The following GPHN variants were observed in gnomAD, a reference collection of about 807,000 sequenced individuals.
The protein encoded by GPHN is gephyrin.
Under a neutral mutation model 95.5 loss-of-function variants are expected in GPHN, and 17 were observed. The ratio of observed to expected loss-of-function variants is 0.18; its 90% CI spans 0.12 to 0.27. GPHN has a LOEUF of 0.27. Ranked by LOEUF, GPHN falls within the 10% of genes least tolerant of loss-of-function variation. GPHN has a pLI of 1.00. For missense variants in GPHN, 660 were observed against 978.1 expected, an observed-to-expected ratio of 0.67 and a Z score of 4.34; for synonymous variants, 320 against 322.5, an observed-to-expected ratio of 0.99 and a Z score of 0.08.
chr14:67,502,499 C>A, the GPHN span, among the ~76,000 whole-genome samples: 30 of 139,562 alleles, frequency 2.1e-4, no homozygotes, highest in Non-Finnish European at 3.8e-4. Flanking sequence ...GTTGTCCAGG[C>A]TAGAGTGCAA....
chr14:67,304,526 A>G, the GPHN span, among the ~76,000 whole-genome samples: 3 of 152,224 alleles, frequency 2.0e-5, no homozygotes, highest in South Asian at 6.2e-4. Flanking sequence ...ATGCTGAGCG[A>G]AGGAAGCCAG....
At chr14:67,307,263 T>A in the GPHN span, among the ~76,000 whole-genome samples, 1 of 152,094 alleles carries the variant, frequency 6.6e-6, no homozygotes, top group Non-Finnish European at 1.5e-5. Flanking sequence ...AAGGAAGGAT[T>A]GGATTTCCCA....
At chr14:67,035,068 G>A (rs1205945799) in intron 10 of GPHN, among the ~76,000 whole-genome samples, 3 of 152,056 alleles carry the variant, frequency 2.0e-5, no homozygotes, top group Non-Finnish European at 2.9e-5. Context: ...TGAGATCTTA[G>A]TGGACTGAAA....
At chr14:67,040,884 G>A (rs111718002) in intron 10 of GPHN, among the ~76,000 whole-genome samples, 1 of 151,994 alleles carries the variant, frequency 6.6e-6, no homozygotes, top group African/African-American at 2.4e-5. Flanking sequence ...TGGCTAAAAG[G>A]GTGTCTGCGA....
At chr14:66,586,435 G>A (rs1454495777) in intron 1 of GPHN, among the ~76,000 whole-genome samples, 17 of 152,160 alleles carry the variant, frequency 1.1e-4, no homozygotes, top group Admixed American at 9.8e-4. Flanking sequence ...TCATTATGAT[G>A]TTAGCTGGTT....
chr14:66,518,300 C>G (rs2058335266), intron 1 of GPHN, among the ~76,000 whole-genome samples: 1 of 151,984 alleles, frequency 6.6e-6, no homozygotes, highest in African/African-American at 2.4e-5. Context: ...TTCTCTTACC[C>G]CAGTTAGGAT....
chr14:66,732,343 G>A (rs957721281), intron 2 of GPHN, among the ~76,000 whole-genome samples: 8 of 152,234 alleles, frequency 5.3e-5, no homozygotes, highest in Admixed American at 2.0e-4. Flanking sequence ...TTGCATCAGC[G>A]TACCCTGGAT....
At chr14:67,225,962 T>TGCGCGCGCGC in the GPHN span, among the ~76,000 whole-genome samples, 10 of 113,490 alleles carry the variant, frequency 8.8e-5, no homozygotes, top group African/African-American at 5.1e-4. Flanking sequence ...TGTGTGTGTG[T>TGCGCGCGCGC]GCGCGCGCGC....
intron 3 of GPHN, among the ~76,000 whole-genome samples, chr14:66,805,338 A>G (rs1308435015): frequency 6.6e-6 from 1 of 152,150 alleles, no homozygotes; most frequent in African/African-American, 2.4e-5. Flanking sequence ...ATTCAAGATG[A>G]AATTTGGGTG....
chr14:67,729,793 C>A, the GPHN span: 1 of 498,042 alleles, frequency 2.0e-6, no homozygotes, highest in East Asian at 5.6e-5. Flanking sequence ...GAACTCTGTC[C>A]CTCAATGCTG....
At chr14:66,672,662 C>T (rs1400599994) in intron 1 of GPHN, among the ~76,000 whole-genome samples, 1 of 152,144 alleles carries the variant, frequency 6.6e-6, no homozygotes, top group Non-Finnish European at 1.5e-5. Context: ...TATATTGCCC[C>T]TCTTTATTCC....
intron 2 of GPHN, among the ~76,000 whole-genome samples, chr14:66,692,803 A>G (rs1228786034): frequency 2.0e-5 from 3 of 152,182 alleles, no homozygotes; most frequent in Non-Finnish European, 2.9e-5. Context: ...ATTTGGAATT[A>G]AAATATTACC....
the GPHN span, among the ~76,000 whole-genome samples, chr14:67,319,057 CAA>C: frequency 7.0e-5 from 8 of 114,050 alleles, no homozygotes; most frequent in Non-Finnish European, 1.0e-4. Flanking sequence ...GACTCCGTCT[CAA>C]AAAAAAAAAA....
At chr14:67,438,653 G>T in the GPHN span, among the ~76,000 whole-genome samples, 2 of 152,102 alleles carry the variant, frequency 1.3e-5, no homozygotes, top group African/African-American at 4.8e-5. Flanking sequence ...TTGAAGTCAG[G>T]AGTTCGAGAC....
chr14:67,327,557 G>A, the GPHN span, among the ~76,000 whole-genome samples: 1 of 151,834 alleles, frequency 6.6e-6, no homozygotes, highest in Non-Finnish European at 1.5e-5. Context: ...TGTTACGTAT[G>A]TATACATGTG....
At chr14:67,343,209 C>CT in the GPHN span, among the ~76,000 whole-genome samples, 5,169 of 148,140 alleles carry the variant, frequency 0.035, 105 homozygotes, top group Middle Eastern at 0.039. Context: ...CTTCATAACA[C>CT]TTTTTTTTTT....
chr14:66,988,889 G>A (rs1051092539), intron 9 of GPHN, among the ~76,000 whole-genome samples: 1 of 151,906 alleles, frequency 6.6e-6, no homozygotes, highest in African/African-American at 2.4e-5. Flanking sequence ...CCTGGTATCC[G>A]ATTTACTTCT....
the GPHN span, chr14:67,557,166 G>A: frequency 2.2e-6 from 2 of 893,856 alleles, no homozygotes; most frequent in South Asian, 1.7e-5. Context: ...GTGCCTGGGA[G>A]TCACAGCCTG....
the GPHN span, among the ~76,000 whole-genome samples, chr14:67,220,066 A>C: frequency 3.3e-5 from 5 of 152,212 alleles, no homozygotes; most frequent in Non-Finnish European, 5.9e-5. Flanking sequence ...GTTGAAAAAT[A>C]AGTTATATAT....
Sources: gnomAD v4.1 joint callset for allele counts (sites outside exome capture counted in the v4.1 genomes callset) on GRCh38, gnomAD v4.1.1 for gene constraint, MANE v1.5 for transcripts, NCBI Gene and HGNC (gene_info 2026-07-23, HGNC 2026-07-21) for gene names.